UBE2R2: variants seen among roughly 807,000 people sequenced by gnomAD.
UBE2R2 encodes the protein ubiquitin-conjugating enzyme E2 R2.
A neutral mutation model predicts 27.8 loss-of-function variants in UBE2R2; 1 was observed. The ratio of observed to expected loss-of-function variants is 0.04; its 90% CI spans 0.01 to 0.17. The LOEUF (loss-of-function observed/expected upper bound fraction) is 0.17. Ranked by LOEUF, UBE2R2 falls within the 10% of genes least tolerant of loss-of-function variation. UBE2R2 has a pLI of 1.00. For missense variants in UBE2R2, 100 were observed against 291.0 expected, an observed-to-expected ratio of 0.34 and a Z score of 4.78; for synonymous variants, 106 against 113.3, an observed-to-expected ratio of 0.94 and a Z score of 0.41.
chr9:33,825,945 C>A, intron 1 of UBE2R2, among the ~76,000 whole-genome samples: 1 of 152,036 alleles, frequency 6.6e-6, no homozygotes, highest in Non-Finnish European at 1.5e-5. Context: ...GAGTTCAAGA[C>A]CAGCATAGCC....
chr9:33,908,207 C>T (rs1475004735), intron 3 of UBE2R2, among the ~76,000 whole-genome samples: 1 of 152,204 alleles, frequency 6.6e-6, no homozygotes, highest in Admixed American at 6.5e-5. Flanking sequence ...AGTTCACATC[C>T]ATCCATCTGC....
Position 33,859,799 on chromosome 9 carries a change from T to TGTGTGTGTGTGTGA in UBE2R2, c.178-27081_178-27080insTGTGTGTGTGTGAG, listed in dbSNP as rs766779268. On this transcript the variant is annotated intron_variant, in intron 1 of 4. Coordinates refer to ENST00000263228, the MANE Select transcript of UBE2R2 (RefSeq NM_017811.4). The stretch of plus-strand genomic sequence containing the variant: ...GTGTGTGTGTGTGTGTGTGTGTGTG[T>TGTGTGTGTGTGTGA]GAGAGAGAGAGAGAGAGAGAGAGAC... Among the ~76,000 whole-genome samples the TGTGTGTGTGTGTGA allele has an allele frequency of 8.0e-3, 695 of 86,460 alleles. 3 individuals carry two copies. Among genetic ancestry groups the TGTGTGTGTGTGTGA allele is most frequent in the African/African-American group, 0.013 (292 of 21,700 alleles). 56.7% of individuals were successfully genotyped at this position (86,460 alleles called of 152,430 possible).
At chr9:33,912,195 G>C in intron 4 of UBE2R2, 97 bp downstream of exon 4, 3 of 1,095,104 alleles carry the variant, frequency 2.7e-6, no homozygotes, top group Non-Finnish European at 3.9e-6. Flanking sequence ...GTCCATTCCA[G>C]GATAATTTTC....
chr9:33,848,089 T>C (rs754145336), intron 1 of UBE2R2, among the ~76,000 whole-genome samples: 13 of 152,152 alleles, frequency 8.5e-5, no homozygotes, highest in Non-Finnish European at 1.2e-4. Context: ...AATTCTGTTT[T>C]ATACTGTCTA....
In UBE2R2 at chr9:33,848,473, A is replaced by G. The variant is rs191112562; in HGVS notation, c.177+30539A>G. ...ATAGGATGTGGGGCTGTTCACCTCA[A>G]ATCAGTCAAGGATTGATTTAGGTTG... On this transcript the variant is annotated intron_variant, in intron 1 of 4. Transcript: ENST00000263228. 5.5e-4 allele frequency among the ~76,000 whole-genome samples: 84 copies of G among 152,260 alleles called. 1 individual carries two copies. The highest frequency in any genetic ancestry group is 4.7e-3 in the Admixed American group (72 of 15,276).
intron 1 of UBE2R2, among the ~76,000 whole-genome samples, chr9:33,855,823 A>G (rs995468900): frequency 1.3e-5 from 2 of 152,218 alleles, no homozygotes; most frequent in African/African-American, 4.8e-5. Flanking sequence ...CATGCCTGTA[A>G]TCCCAGCACT....
chr9:33,856,719 T>C (rs370486715), intron 1 of UBE2R2, among the ~76,000 whole-genome samples: 1 of 151,586 alleles, frequency 6.6e-6, no homozygotes, highest in Non-Finnish European at 1.5e-5. Flanking sequence ...TTTTTTTTTT[T>C]CTTTCCATTT....
chr9:33,907,325 C>T (rs986170054), intron 3 of UBE2R2, among the ~76,000 whole-genome samples: 1 of 151,938 alleles, frequency 6.6e-6, no homozygotes, highest in Non-Finnish European at 1.5e-5. Flanking sequence ...CTCTTTTGGC[C>T]TAGATCCTCT....
chr9:33,840,814 T>C lies in UBE2R2; in HGVS notation c.177+22880T>C, dbSNP rs532047115. Among the ~76,000 whole-genome samples, 126 of 152,328 alleles carry C rather than the reference T, an allele frequency of 8.3e-4. 1 individual carries two copies. Among genetic ancestry groups the C allele is most frequent in the Non-Finnish European group, 1.4e-3 (94 of 68,030 alleles). ...GTTCAGTTATCCAGTGGCACAGTTATATAGGAAAGGTAGGATATATACTTG... is the reference window on the plus strand; with the variant it reads ...GTTCAGTTATCCAGTGGCACAGTTACATAGGAAAGGTAGGATATATACTTG... On this transcript the variant is annotated intron_variant, in intron 1 of 4. Coordinates refer to ENST00000263228, the MANE Select transcript of UBE2R2 (RefSeq NM_017811.4).
intron 1 of UBE2R2, among the ~76,000 whole-genome samples, chr9:33,856,070 T>C (rs1367125081): frequency 6.6e-6 from 1 of 152,024 alleles, no homozygotes; most frequent in Non-Finnish European, 1.5e-5. Context: ...AAACAAAACC[T>C]TATACTAGCA....
intron 3 of UBE2R2, among the ~76,000 whole-genome samples, chr9:33,904,903 C>A (rs1486034145): frequency 6.6e-6 from 1 of 152,120 alleles, no homozygotes; most frequent in Non-Finnish European, 1.5e-5. Context: ...AGTTGCCACA[C>A]GTCTTTGATT....
At chr9:33,859,793 TGTGTGTGAGAGAGA>T (rs1228144003) in intron 1 of UBE2R2, among the ~76,000 whole-genome samples, 2,012 of 124,684 alleles carry the variant, frequency 0.016, 38 homozygotes, top group African/African-American at 0.052. Flanking sequence ...TGTGTGTGTG[TGTGTGTGAGAGAGA>T]GAGAGAGAGA....
chr9:33,854,529 C>T (rs1175425634), intron 1 of UBE2R2, among the ~76,000 whole-genome samples: 2 of 151,684 alleles, frequency 1.3e-5, no homozygotes, highest in Non-Finnish European at 2.9e-5. Flanking sequence ...ACCATGTTGG[C>T]CAGTTTGGTC....
intron 2 of UBE2R2, among the ~76,000 whole-genome samples, chr9:33,893,132 ATGT>A (rs937116508): frequency 6.6e-5 from 10 of 152,312 alleles, no homozygotes; most frequent in Middle Eastern, 6.8e-3. Context: ...TATGTTCATA[ATGT>A]TGTACAACTA....
At chr9:33,886,123 C>A (rs756955818) in intron 1 of UBE2R2, among the ~76,000 whole-genome samples, 1 of 151,930 alleles carries the variant, frequency 6.6e-6, no homozygotes, top group Non-Finnish European at 1.5e-5. Context: ...TTTAAAAATA[C>A]GTTTTGTAAG....
chr9:33,919,192 T>A lies in UBE2R2; in HGVS notation c.*1955T>A, dbSNP rs945688021. 6.6e-6 allele frequency: 1 copy of A among 152,188 alleles called. No individual in the cohort carries two copies. Among genetic ancestry groups the A allele is most frequent in the Non-Finnish European group, 1.5e-5 (1 of 68,038 alleles). The allele number at this position is 152,188 out of a possible 1,614,324, so 9.4% of individuals were successfully genotyped here. On this transcript the variant is annotated 3_prime_UTR_variant, in exon 5 of 5. Transcript: ENST00000263228. Reference sequence around the variant, plus strand: ...ACCTGATTACAAACTCTCATAGATGTTGGAACTACCTTTTTACTCCCCATA... The same window carrying A: ...ACCTGATTACAAACTCTCATAGATGATGGAACTACCTTTTTACTCCCCATA...
intron 1 of UBE2R2, among the ~76,000 whole-genome samples, chr9:33,824,755 A>G (rs1328046125): frequency 6.6e-6 from 1 of 150,854 alleles, no homozygotes; most frequent in Non-Finnish European, 1.5e-5. Flanking sequence ...GTGAGCCTAG[A>G]TCATGCCAGT....
At chr9:33,881,464 G>C (rs766879282) in intron 1 of UBE2R2, among the ~76,000 whole-genome samples, 2 of 152,134 alleles carry the variant, frequency 1.3e-5, no homozygotes, top group Non-Finnish European at 2.9e-5. Flanking sequence ...CAGTCACTCT[G>C]TATTCTCCTG....
At chr9:33,876,667 G>A (rs1015337510) in intron 1 of UBE2R2, among the ~76,000 whole-genome samples, 2 of 152,176 alleles carry the variant, frequency 1.3e-5, no homozygotes, top group Non-Finnish European at 1.5e-5. Context: ...TGTAATCCCA[G>A]CACTTTGAGA....
Sources: gnomAD v4.1 joint callset for allele counts (sites outside exome capture counted in the v4.1 genomes callset) on GRCh38, gnomAD v4.1.1 for gene constraint, MANE v1.5 for transcripts, NCBI Gene and HGNC (gene_info 2026-07-23, HGNC 2026-07-21) for gene names.